TCERG1L: variants seen among roughly 807,000 people sequenced by gnomAD.
The protein encoded by TCERG1L is transcription elongation regulator 1-like protein.
A neutral mutation model predicts 56.3 loss-of-function variants in TCERG1L; 37 were observed. The observed-to-expected ratio is 0.66, with a 90% CI of 0.51 to 0.87. The LOEUF (loss-of-function observed/expected upper bound fraction) is 0.87. TCERG1L is among the 40% of genes least tolerant of loss of function. The pLI, the probability that TCERG1L is intolerant of heterozygous loss-of-function variation, is 0.00. For synonymous variants in TCERG1L, 324 were observed against 326.3 expected, an observed-to-expected ratio of 0.99 and a Z score of 0.08; for missense variants, 799 against 774.2, an observed-to-expected ratio of 1.03 and a Z score of -0.38.
chr10:131,194,686 T>C (rs1186325621), intron 4 of TCERG1L, among the ~76,000 whole-genome samples: 3 of 152,198 alleles, frequency 2.0e-5, no homozygotes, highest in Non-Finnish European at 4.4e-5. Context: ...GGTGGTCTTG[T>C]TTGCACGTGG....
rs183816476 is a variant in TCERG1L, at chr10:131,261,845, G to A, written c.671-1401C>T. ...GAGAGGGCATCTAGCCTTGGTGTGT[G>A]GGCCTCAATTGTGACTGGGGTGGCC... On this transcript the variant is annotated intron_variant, in intron 3 of 11. Transcript: ENST00000368642. Among the ~76,000 whole-genome samples, 6 of 152,314 alleles carry A rather than the reference G, an allele frequency of 3.9e-5. No individual in the cohort carries two copies. The East Asian group carries it at 1.2e-3, about 29-fold the overall frequency.
At chr10:131,104,934 G>A (rs1258476262) in intron 9 of TCERG1L, among the ~76,000 whole-genome samples, 1 of 152,210 alleles carries the variant, frequency 6.6e-6, no homozygotes, top group Non-Finnish European at 1.5e-5. Context: ...CACTAACCAT[G>A]ACGCATTATT....
intron 4 of TCERG1L, among the ~76,000 whole-genome samples, chr10:131,249,420 C>G (rs1362468012): frequency 6.6e-6 from 1 of 151,984 alleles, no homozygotes; most frequent in African/African-American, 2.4e-5. Flanking sequence ...CTCCACCCGG[C>G]TACCCCAGCG....
chr10:131,129,058 A>G (rs1248184043), intron 8 of TCERG1L, among the ~76,000 whole-genome samples: 1 of 152,238 alleles, frequency 6.6e-6, no homozygotes, highest in Non-Finnish European at 1.5e-5. Context: ...ATTTGTAAAA[A>G]ATCTCTTGCT....
At chr10:131,168,778 C>T (rs1449107452) in intron 4 of TCERG1L, among the ~76,000 whole-genome samples, 1 of 152,180 alleles carries the variant, frequency 6.6e-6, no homozygotes, top group African/African-American at 2.4e-5. Context: ...GCGCCGGCCT[C>T]CTCCGTCATT....
intron 3 of TCERG1L, among the ~76,000 whole-genome samples, chr10:131,286,351 A>G (rs985890270): frequency 6.6e-6 from 1 of 152,222 alleles, no homozygotes; most frequent in Non-Finnish European, 1.5e-5. Flanking sequence ...TAAAGATGGC[A>G]TAATAATTTA....
At chr10:131,104,392 T>C (rs969767877) in intron 9 of TCERG1L, 38 bp from the exon 10 acceptor site, 1 of 1,413,922 alleles carries the variant, frequency 7.1e-7, no homozygotes, top group African/African-American at 1.4e-5. Flanking sequence ...TGTTAGCGTC[T>C]AATGCTAAGC....
chr10:131,198,246 T>A lies in TCERG1L; in HGVS notation c.857-31361A>T, dbSNP rs963773018. Among the ~76,000 whole-genome samples, 3 of 152,232 alleles carry A rather than the reference T, an allele frequency of 2.0e-5. No individual in the cohort carries two copies. In the East Asian group the frequency reaches 5.8e-4, roughly 29 times the overall value. ...CGTGGCATCATCAAGTCTATTCTGA[T>A]AGAAAAGAACTCAAAAGTGACTAGC... On this transcript the variant is annotated intron_variant, in intron 4 of 11. Transcript: ENST00000368642.
At chr10:131,307,124 T>G (rs939333239) in intron 3 of TCERG1L, among the ~76,000 whole-genome samples, 13 of 152,256 alleles carry the variant, frequency 8.5e-5, no homozygotes, top group African/African-American at 2.9e-4. Context: ...TCTTTTATCA[T>G]CATTAAATTA....
intron 4 of TCERG1L, among the ~76,000 whole-genome samples, chr10:131,185,629 T>C (rs1016255719): frequency 1.3e-5 from 2 of 152,032 alleles, no homozygotes; most frequent in African/African-American, 4.8e-5. Context: ...CGAACAGGCA[T>C]GTGAAAAGGT....
chr10:131,279,243 T>G (rs143647147), intron 3 of TCERG1L, among the ~76,000 whole-genome samples: 120 of 152,164 alleles, frequency 7.9e-4, no homozygotes, highest in African/African-American at 2.5e-3. Flanking sequence ...AAACATGGGT[T>G]GACTTTACGA....
intron 6 of TCERG1L, among the ~76,000 whole-genome samples, chr10:131,155,184 AAC>A (rs1845906401): frequency 6.6e-6 from 1 of 152,204 alleles, no homozygotes; most frequent in Non-Finnish European, 1.5e-5. Flanking sequence ...CTTGGCTGAA[AAC>A]AAAATTCCCC....
At chr10:131,163,829 G>C (rs1304462344) in intron 5 of TCERG1L, among the ~76,000 whole-genome samples, 1 of 152,122 alleles carries the variant, frequency 6.6e-6, no homozygotes, top group East Asian at 1.9e-4. Context: ...TTTCCATTAA[G>C]AAATAAGAAT....
intron 9 of TCERG1L, among the ~76,000 whole-genome samples, chr10:131,114,170 G>A (rs1053135332): frequency 5.6e-5 from 8 of 141,946 alleles, no homozygotes; most frequent in Non-Finnish European, 1.3e-4. Context: ...ACAAGTACAT[G>A]AATTTCTGAA....
rs1015986086 is a variant in TCERG1L, at chr10:131,260,125, C to A, written c.856+134G>T. The A allele has an allele frequency of 3.2e-6, 4 of 1,232,868 alleles. No homozygotes were observed. In the South Asian group the frequency reaches 1.6e-4, roughly 50 times the overall value. The allele number at this position is 1,232,868 out of a possible 1,614,324, so 76.4% of individuals were successfully genotyped here. A position where few individuals can be genotyped will look rare whatever the true frequency, so the allele number is the denominator to read the frequency against. On this transcript the variant is annotated intron_variant, in intron 4 of 11. Transcript: ENST00000368642. The surrounding 1 kb of genome is among the most constrained non-coding windows in gnomAD (Gnocchi z 5.8). ...TCAAGCAAAGCCCAAACGGCCCCAG[C>A]CGAATGTTTCCCTCAACCGGAGCCG...
At chr10:131,238,033 CTTTT>C (rs1232823944) in intron 4 of TCERG1L, among the ~76,000 whole-genome samples, 1 of 152,180 alleles carries the variant, frequency 6.6e-6, no homozygotes, top group East Asian at 1.9e-4. Context: ...CAACAAAATA[CTTTT>C]TTGTGTTTTG....
At chr10:131,159,272 G>C (rs1225834818) in intron 6 of TCERG1L, among the ~76,000 whole-genome samples, 1 of 152,206 alleles carries the variant, frequency 6.6e-6, no homozygotes, top group Non-Finnish European at 1.5e-5. Context: ...CTCCGTCTAA[G>C]TATTCCAGGG....
At chr10:131,214,269 CCT>C (rs1186923240) in intron 4 of TCERG1L, among the ~76,000 whole-genome samples, 1 of 152,088 alleles carries the variant, frequency 6.6e-6, no homozygotes, top group African/African-American at 2.4e-5. Flanking sequence ...CGCCCTGCCC[CCT>C]GTCCAGGGCA....
chr10:131,263,284 C>T (rs1846250734), intron 3 of TCERG1L, among the ~76,000 whole-genome samples: 1 of 152,102 alleles, frequency 6.6e-6, no homozygotes, highest in Non-Finnish European at 1.5e-5. Context: ...GATTTGAAGT[C>T]AGAAAAAACT....
Sources: gnomAD v4.1 joint callset for allele counts (sites outside exome capture counted in the v4.1 genomes callset) on GRCh38, gnomAD v4.1.1 for gene constraint, Gnocchi (gnomAD v3.1) non-coding constraint, MANE v1.5 for transcripts, NCBI Gene and HGNC (gene_info 2026-07-23, HGNC 2026-07-21) for gene names.